Variants in FER observed in about 807,000 individuals in gnomAD.
The protein encoded by FER is FER tyrosine kinase, also known as tyrosine-protein kinase Fer.
Under a neutral mutation model 111.0 loss-of-function variants are expected in FER, and 63 were observed. The ratio of observed to expected loss-of-function variants is 0.57; its 90% CI spans 0.46 to 0.70. The LOEUF (loss-of-function observed/expected upper bound fraction) is 0.70. FER is among the 30% of genes least tolerant of loss of function. FER has a pLI of 0.00. For synonymous variants in FER, 327 were observed against 313.9 expected (o/e 1.04, Z -0.44); for missense variants, 914 against 954.0 (o/e 0.96, Z 0.55).
intron 16 of FER, among the ~76,000 whole-genome samples, chr5:109,054,249 A>G (rs547461791): frequency 6.6e-6 from 1 of 152,202 alleles, no homozygotes; most frequent in Non-Finnish European, 1.5e-5. Context: ...TACATTCCCA[A>G]CAGCAGTCTA....
At chr5:109,132,277 T>C (rs113674754) in intron 17 of FER, among the ~76,000 whole-genome samples, 2 of 152,086 alleles carry the variant, frequency 1.3e-5, no homozygotes, top group African/African-American at 4.8e-5. Flanking sequence ...AAGAAAAATA[T>C]AAGAAAGAGG....
chr5:109,100,600 C>T, intron 17 of FER, 81 bp downstream of exon 17: 1 of 1,328,990 alleles, frequency 7.5e-7, no homozygotes, highest in Non-Finnish European at 1.0e-6. Flanking sequence ...CAATAGAAGT[C>T]ATTTTCTTTC....
chr5:108,976,659 A>G (rs891379849), intron 13 of FER, among the ~76,000 whole-genome samples: 6 of 152,196 alleles, frequency 3.9e-5, no homozygotes, highest in Admixed American at 3.9e-4. Context: ...TTTGTATGCT[A>G]TATGTCTATA....
chr5:108,837,424 T>G (rs1403486792), intron 5 of FER, among the ~76,000 whole-genome samples: 2 of 152,310 alleles, frequency 1.3e-5, no homozygotes, highest in African/African-American at 4.8e-5. Flanking sequence ...CTTTATACAT[T>G]AAACATTACT....
At chr5:109,104,358 T>C (rs759715424) in intron 17 of FER, among the ~76,000 whole-genome samples, 4 of 152,198 alleles carry the variant, frequency 2.6e-5, no homozygotes, top group Admixed American at 2.0e-4. Flanking sequence ...CTCAGATGGA[T>C]AGAACAAAAG....
At chr5:109,058,575 A>G (rs1438527853) in intron 16 of FER, among the ~76,000 whole-genome samples, 1 of 151,870 alleles carries the variant, frequency 6.6e-6, no homozygotes, top group Non-Finnish European at 1.5e-5. Context: ...ATCTCCAGTG[A>G]TGTCCTCTTT....
chr5:108,833,907 T>C (rs1760324964), intron 4 of FER, among the ~76,000 whole-genome samples: 1 of 152,110 alleles, frequency 6.6e-6, no homozygotes. Flanking sequence ...ACAATACCGT[T>C]AATTTGCCTA....
At chr5:109,081,251 A>G (rs1199001895) in intron 16 of FER, among the ~76,000 whole-genome samples, 1 of 152,064 alleles carries the variant, frequency 6.6e-6, no homozygotes, top group Non-Finnish European at 1.5e-5. Context: ...ACGAATATAG[A>G]ATGGGTCCTT....
At chr5:108,973,020 A>T (rs2149702250) in intron 13 of FER, among the ~76,000 whole-genome samples, 1 of 152,274 alleles carries the variant, frequency 6.6e-6, no homozygotes, top group South Asian at 2.1e-4. Flanking sequence ...TGTATTTTAT[A>T]CTACGGCAAA....
chr5:109,006,294 G>T (rs1372887708), intron 13 of FER, among the ~76,000 whole-genome samples: 2 of 152,182 alleles, frequency 1.3e-5, no homozygotes, highest in African/African-American at 4.8e-5. Context: ...GTTGTGGGAG[G>T]TATCTGGCGG....
At chr5:108,800,771 G>T (rs1756552912) in intron 3 of FER, among the ~76,000 whole-genome samples, 1 of 152,252 alleles carries the variant, frequency 6.6e-6, no homozygotes, top group Non-Finnish European at 1.5e-5. Context: ...CCTGGGCCGG[G>T]CGTGGTGGCT....
intron 1 of FER, among the ~76,000 whole-genome samples, chr5:108,766,874 G>C (rs1161914198): frequency 6.6e-6 from 1 of 152,166 alleles, no homozygotes; most frequent in Non-Finnish European, 1.5e-5. Context: ...TTGTAACAGG[G>C]CTGTAAACTA....
chr5:108,886,440 A>G (rs1747181008), intron 9 of FER, among the ~76,000 whole-genome samples: 1 of 149,110 alleles, frequency 6.7e-6, no homozygotes, highest in African/African-American at 2.4e-5. Context: ...TATAACATAC[A>G]TAAACATATA....
chr5:109,119,541 T>C (rs1750695305), intron 17 of FER, among the ~76,000 whole-genome samples: 1 of 152,192 alleles, frequency 6.6e-6, no homozygotes, highest in Non-Finnish European at 1.5e-5. Context: ...GGTGCAGAGC[T>C]GAGTTCAATT....
At chr5:108,786,702 G>A (rs906665615) in intron 2 of FER, among the ~76,000 whole-genome samples, 18 of 152,102 alleles carry the variant, frequency 1.2e-4, no homozygotes, top group African/African-American at 4.3e-4. Context: ...GGGTTTCACT[G>A]TGTTAGCCAG....
At chr5:108,796,829 A>AT (rs1756081079) in intron 2 of FER, among the ~76,000 whole-genome samples, 1 of 152,030 alleles carries the variant, frequency 6.6e-6, no homozygotes, top group Admixed American at 6.5e-5. Flanking sequence ...AAGGCCTGGA[A>AT]TTGGGGGCCG....
At chr5:109,019,335 T>A (rs558033037) in intron 13 of FER, among the ~76,000 whole-genome samples, 1 of 151,940 alleles carries the variant, frequency 6.6e-6, no homozygotes, top group South Asian at 2.1e-4. Context: ...CACTAATATA[T>A]CCTGCTCAAA....
intron 1 of FER, among the ~76,000 whole-genome samples, chr5:108,761,187 C>T (rs867206882): frequency 7.2e-5 from 11 of 152,270 alleles, no homozygotes; most frequent in African/African-American, 2.6e-4. Context: ...CTCGGCCTCC[C>T]AAAGTGCTGG....
At chr5:108,775,446 A>G (rs1350859859) in intron 2 of FER, among the ~76,000 whole-genome samples, 1 of 152,244 alleles carries the variant, frequency 6.6e-6, no homozygotes, top group Non-Finnish European at 1.5e-5. Flanking sequence ...ATTTATATCA[A>G]TACCTTAAAG....
Sources: gnomAD v4.1 joint callset for allele counts (sites outside exome capture counted in the v4.1 genomes callset) on GRCh38, gnomAD v4.1.1 for gene constraint, MANE v1.5 for transcripts, NCBI Gene and HGNC (gene_info 2026-07-23, HGNC 2026-07-21) for gene names.